The following TPP2 variants were observed in gnomAD, a reference collection of about 807,000 sequenced individuals.
TPP2 encodes tripeptidyl peptidase 2, also known as tripeptidyl-peptidase 2.
A neutral mutation model predicts 155.9 loss-of-function variants in TPP2; 34 were observed. That is an observed-to-expected ratio of 0.22 (90% CI 0.17 to 0.29). The LOEUF (loss-of-function observed/expected upper bound fraction) is 0.29, where lower values mean the gene tolerates loss of function less well. Among genes scored for constraint, TPP2 ranks in the 10% least tolerant of loss-of-function variants. TPP2 has a pLI of 1.00. For synonymous variants in TPP2, 510 were observed against 529.4 expected (o/e 0.96, Z 0.50); for missense variants, 1,028 against 1,522.3 (o/e 0.68, Z 5.40).
intron 1 of TPP2, 74 bp downstream of exon 1, chr13:102,597,277 G>T: frequency 2.3e-6 from 2 of 866,812 alleles, no homozygotes; most frequent in South Asian, 5.6e-5. Flanking sequence ...CAGTCTCGGA[G>T]CCCGGCAGGC....
chr13:102,626,023 A>G (rs1418575764), intron 6 of TPP2, among the ~76,000 whole-genome samples: 2 of 152,242 alleles, frequency 1.3e-5, no homozygotes, highest in African/African-American at 2.4e-5. Flanking sequence ...CAACTCTTTG[A>G]ATTACCACAA....
Position 102,630,006 on chromosome 13 carries a change from G to T in TPP2, c.1145-90G>T, listed in dbSNP as rs956246166. 8 of 1,054,086 alleles carry T rather than the reference G, an allele frequency of 7.6e-6. No individual in the cohort carries two copies. The South Asian group carries it at 1.1e-4, about 15-fold the overall frequency. The allele number at this position is 1,054,086 out of a possible 1,614,324, so 65.3% of individuals were successfully genotyped here. ...GTATTAGAGAGAGGACTGGTGTTGA[G>T]AGATTAGGCAGTTTACTCAAGTGAA... On this transcript the variant is annotated intron_variant, in intron 9 of 29. Coordinates refer to ENST00000376052, the MANE Select transcript of TPP2 (RefSeq NM_001330588.2).
chr13:102,670,950 G>A (rs950339202), intron 27 of TPP2, among the ~76,000 whole-genome samples: 3 of 152,182 alleles, frequency 2.0e-5, no homozygotes, highest in South Asian at 2.1e-4. Flanking sequence ...TCCTGGCTCC[G>A]TTGGAGCTGC....
At chr13:102,621,323 T>C (rs1185856953) in intron 5 of TPP2, among the ~76,000 whole-genome samples, 3 of 152,194 alleles carry the variant, frequency 2.0e-5, no homozygotes, top group Admixed American at 6.5e-5. Flanking sequence ...TTGTACCAGG[T>C]TGACACCATA....
intron 11 of TPP2, among the ~76,000 whole-genome samples, chr13:102,634,464 G>A (rs599551): frequency 0.5 from 75,300 of 151,954 alleles, 19,063 homozygotes; most frequent in African/African-American, 0.6. Flanking sequence ...AATGGATGCC[G>A]TGAGCAAAAT....
chr13:102,639,445 G>A (rs1433946528), intron 15 of TPP2, among the ~76,000 whole-genome samples: 8 of 152,070 alleles, frequency 5.3e-5, no homozygotes, highest in Admixed American at 2.0e-4. Flanking sequence ...ATATTCCCTC[G>A]AAGTCCAGTA....
Position 102,664,916 on chromosome 13 carries a change from C to T in TPP2, c.3362C>T (p.Thr1121Ile). The T allele has an allele frequency of 3.1e-6, 5 of 1,611,252 alleles. No homozygotes were observed. The East Asian group carries it at 1.1e-4, about 36-fold the overall frequency. The change falls in exon 27 of 30, where the codon ACT (threonine) becomes ATT (isoleucine). Residue 1121 changes from threonine (T) to isoleucine (I), a missense_variant. Coordinates refer to ENST00000376052, the MANE Select transcript of TPP2 (RefSeq NM_001330588.2). ...ACTGATCCCAGGCCTGATGCAGCTA[C>T]TATAAAAAAGTACCTAACCAGTAAA... is the stretch of plus-strand genomic sequence containing the variant. ...MKTDPRPDAA[T>I]IKNDMDKQKS...
Position 102,678,912 on chromosome 13 carries a change from T to TG in TPP2, c.*600dup, listed in dbSNP as rs1885463972. On this transcript the variant is annotated 3_prime_UTR_variant, in exon 30 of 30. Coordinates refer to ENST00000376052, the MANE Select transcript of TPP2 (RefSeq NM_001330588.2). ...TAACTGCTTCAATAAATCTTCATCT[T>TG]GGGGTAATTACAGGCAAGTCATTTT... The TG allele has an allele frequency of 6.6e-6, 1 of 152,320 alleles. No homozygotes were observed. 9.4% of individuals were successfully genotyped at this position (152,320 alleles called of 1,614,324 possible).
At chr13:102,651,602 A>G (rs898859521) in intron 24 of TPP2, among the ~76,000 whole-genome samples, 11 of 151,492 alleles carry the variant, frequency 7.3e-5, no homozygotes, top group African/African-American at 2.7e-4. Context: ...TCCCCACCAT[A>G]AATTCCTGGA....
chr13:102,627,630 G>GTT (rs1299211856), intron 7 of TPP2, among the ~76,000 whole-genome samples: 2 of 111,350 alleles, frequency 1.8e-5, no homozygotes, highest in Non-Finnish European at 3.5e-5. Context: ...CTAGTTTTTT[G>GTT]TTTTTTTTTT....
At chr13:102,663,209 T>C (rs1242704989) in intron 25 of TPP2, among the ~76,000 whole-genome samples, 2 of 152,062 alleles carry the variant, frequency 1.3e-5, no homozygotes, top group Non-Finnish European at 2.9e-5. Flanking sequence ...GTGCAGTGGT[T>C]TGATCTCGGC....
rs1456426721 is a variant in TPP2 at position 102,679,464 on chromosome 13, G to T, written c.*1148G>T. ...ACAGTCCCTTATCTAATGGCAAATT[G>T]TGTGTATGTATGATTTTTTTATCTT... On this transcript the variant is annotated 3_prime_UTR_variant, in exon 30 of 30. Coordinates refer to ENST00000376052, the MANE Select transcript of TPP2 (RefSeq NM_001330588.2). 6.6e-6 allele frequency: 1 copy of T among 152,186 alleles called. No homozygotes were observed. Among genetic ancestry groups the T allele is most frequent in the Non-Finnish European group, 1.5e-5 (1 of 68,034 alleles). The allele number at this position is 152,186 out of a possible 1,614,324, so 9.4% of individuals were successfully genotyped here.
At position 102,657,087 on chromosome 13, in the gene TPP2, C is replaced by T; in HGVS notation, c.3023C>T (p.Pro1008Leu). The change falls in exon 25 of 30, where the codon CCT becomes CTT. Residue 1008 changes from proline to leucine, a missense_variant. Transcript: ENST00000376052. ...DVIPVHYYLI[P>L]PPTKTKNGSK... ...ATCCCTGTTCATTACTACTTAATAC[C>T]TCCACCAACAAAGACTAAGAATGGC... The T allele has an allele frequency of 1.3e-6, 2 of 1,589,448 alleles. No individual in the cohort carries two copies. The highest frequency in any genetic ancestry group is 1.9e-5 in the Admixed American group (1 of 53,804).
chr13:102,616,486 A>G lies in TPP2; in HGVS notation c.481A>G (p.Asn161Asp). Residue 161 changes from asparagine (N) to aspartate (D), a missense_variant, in exon 4 of 30, where the codon AAC (asparagine) becomes GAC (aspartate). By Grantham distance (23) the Asn-to-Asp change is conservative. Transcript: ENST00000376052. ...ACAGGAAGAATTTGATGTTGCCAAC[A>G]ACGGCTCTTCTCAAGTTGGTGCTAG... is the stretch of plus-strand genomic sequence containing the variant. ...RKQEEFDVAN[N>D]GSSQANKLIK... 6.2e-7 allele frequency: 1 copy of G among 1,610,854 alleles called. No individual in the cohort carries two copies. The highest frequency in any genetic ancestry group is 8.5e-7 in the Non-Finnish European group (1 of 1,178,372).
intron 10 of TPP2, 137 bp from the exon 11 acceptor site, chr13:102,633,813 A>G: frequency 8.1e-7 from 1 of 1,241,304 alleles, no homozygotes. Context: ...TCATAGTAGT[A>G]TCTGTGTCAC....
In TPP2 at chr13:102,630,925, C is replaced by T. The variant is rs547367295; in HGVS notation, c.1244+730C>T. On this transcript the variant is annotated intron_variant, in intron 10 of 29. Coordinates refer to ENST00000376052, the MANE Select transcript of TPP2 (RefSeq NM_001330588.2). ...GTGCCTACAGTGGGCAAGGCATAAACGAACAGTTTGTGATCTGAGTTTCAA... is the reference window on the plus strand; with the variant it reads ...GTGCCTACAGTGGGCAAGGCATAAATGAACAGTTTGTGATCTGAGTTTCAA... Among the ~76,000 whole-genome samples the T allele has an allele frequency of 2.0e-4, 31 of 152,238 alleles. No individual in the cohort carries two copies. The South Asian group carries it at 5.4e-3, about 26-fold the overall frequency.
chr13:102,616,327 T>C, intron 3 of TPP2, 69 bp from the exon 4 acceptor site: 1 of 1,272,662 alleles, frequency 7.9e-7, no homozygotes, highest in Non-Finnish European at 1.1e-6. Flanking sequence ...AGTCCACATA[T>C]AAATGCCTGT....
Position 102,674,394 on chromosome 13 carries a change from T to A in TPP2, c.3483T>A (p.Asp1161Glu), listed in dbSNP as rs980708984. ...TQAQDGAIST[D>E]AEGKEEEGES... is the part of the protein sequence containing the mutation. ...CTCAAGACGGAGCCATTTCCACTGATGCAGAAGGAAAGGAGGAGGAAGGAG... is the reference window on the plus strand; with the variant it reads ...CTCAAGACGGAGCCATTTCCACTGAAGCAGAAGGAAAGGAGGAGGAAGGAG... The change falls in exon 28 of 30, where the codon GAT becomes GAA. Residue 1161 changes from aspartate (D) to glutamate (E), a missense_variant. This residue lies in a region of TPP2 where 116 missense variants were observed against 117.3 expected (regional missense o/e 0.99). Coordinates refer to ENST00000376052, the MANE Select transcript of TPP2 (RefSeq NM_001330588.2). The A allele has an allele frequency of 6.2e-7, 1 of 1,614,012 alleles. No individual in the cohort carries two copies. The highest frequency in any genetic ancestry group is 8.5e-7 in the Non-Finnish European group (1 of 1,179,904).
At chr13:102,640,775 C>A (rs958298971) in intron 16 of TPP2, among the ~76,000 whole-genome samples, 2 of 150,994 alleles carry the variant, frequency 1.3e-5, no homozygotes, top group Admixed American at 1.3e-4. Flanking sequence ...CTCAGCCTCC[C>A]GAGTAGCTTG....
Sources: gnomAD v4.1 joint callset for allele counts (sites outside exome capture counted in the v4.1 genomes callset) on GRCh38, gnomAD v4.1.1 for gene constraint, gnomAD v4.1.1 regional missense constraint, MANE v1.5 for transcripts, NCBI Gene and HGNC (gene_info 2026-07-23, HGNC 2026-07-21) for gene names.